Variants in AP1B1 observed in about 807,000 individuals in gnomAD.
The protein encoded by AP1B1 is AP-1 complex subunit beta-1.
AP1B1 carries 36 observed loss-of-function variants against 104.3 expected under a neutral mutation model. The observed-to-expected ratio is 0.35, with a 90% CI of 0.26 to 0.46. AP1B1 has a LOEUF of 0.46. Among genes scored for constraint, AP1B1 ranks in the 20% least tolerant of loss-of-function variants. The probability of loss-of-function intolerance (pLI) is 1.00; values close to 1 mark genes in which losing one functional copy is unlikely to be tolerated. For synonymous variants in AP1B1, 504 were observed against 517.5 expected (o/e 0.97, Z 0.35); for missense variants, 901 against 1,247.9 (o/e 0.72, Z 4.19).
chr22:29,351,752 T>C lies in AP1B1; in HGVS notation c.1012A>G (p.Lys338Glu). The change falls in exon 8 of 23, where the codon AAG (lysine) becomes GAG (glutamate). Residue 338 changes from lysine to glutamate, a missense_variant. Around this residue, in one of 3 missense-constraint regions of AP1B1, gnomAD observed 471 missense variants for 696.7 expected, o/e 0.68. Transcript: ENST00000357586. ...GCCAGGCGGATCATGATGTCCAGCT[T>C]CTCCAGCTTCACGTAGATAGGGTCG... ...YNDPIYVKLE[K>E]LDIMIRLASQ... is the part of the protein sequence containing the mutation. 6.2e-7 allele frequency: 1 copy of C among 1,614,186 alleles called. No homozygotes were observed. Among genetic ancestry groups the C allele is most frequent in the Non-Finnish European group, 8.5e-7 (1 of 1,180,030 alleles).
chr22:29,330,251 A>C, intron 21 of AP1B1, 127 bp downstream of exon 21: 1 of 1,515,788 alleles, frequency 6.6e-7, no homozygotes, highest in Non-Finnish European at 8.9e-7. Flanking sequence ...CTTCTCAGGG[A>C]CCAAACTGAT....
At chr22:29,354,013 C>T (rs1330273903) in intron 7 of AP1B1, among the ~76,000 whole-genome samples, 1 of 152,172 alleles carries the variant, frequency 6.6e-6, no homozygotes, top group Non-Finnish European at 1.5e-5. Flanking sequence ...TTTCTGCTCT[C>T]GCCTACCCCC....
intron 1 of AP1B1, among the ~76,000 whole-genome samples, chr22:29,385,853 G>A (rs1027705197): frequency 1.3e-5 from 2 of 152,172 alleles, no homozygotes; most frequent in African/African-American, 2.4e-5. Context: ...TGCCAGACAC[G>A]GGAAGTTCCT....
intron 1 of AP1B1, among the ~76,000 whole-genome samples, chr22:29,386,409 C>T (rs2062523168): frequency 6.6e-6 from 1 of 152,172 alleles, no homozygotes; most frequent in Non-Finnish European, 1.5e-5. Flanking sequence ...TTCACACAAT[C>T]TCTGAGGGAT....
rs190646468 is a variant in AP1B1 at position 29,359,692 on chromosome 22, C to A, written c.279+132G>T. ...GCCCTCTGCTGGAGGAAGAGGCCTGCAGGCTGGGCGGGCGCGGGCAGTCTG... is the reference window on the plus strand; with the variant it reads ...GCCCTCTGCTGGAGGAAGAGGCCTGAAGGCTGGGCGGGCGCGGGCAGTCTG... On this transcript the variant is annotated intron_variant, in intron 4 of 22. Transcript: ENST00000357586. The A allele has an allele frequency of 3.0e-3, 3,538 of 1,192,616 alleles. 11 individuals carry two copies. The highest frequency in any genetic ancestry group is 3.8e-3 in the Non-Finnish European group (3,280 of 862,184). 73.9% of individuals were successfully genotyped at this position (1,192,616 alleles called of 1,614,324 possible). A position where few individuals can be genotyped will look rare whatever the true frequency, so the allele number is the denominator to read the frequency against.
chr22:29,339,668 ACCCGCC>A, intron 15 of AP1B1, 80 bp downstream of exon 15: 3 of 1,449,456 alleles, frequency 2.1e-6, no homozygotes, highest in Non-Finnish European at 2.8e-6. Flanking sequence ...CTGTGACATC[ACCCGCC>A]CCCGCCCCTT....
At chr22:29,339,205 G>A in intron 15 of AP1B1, 72 bp from the exon 16 acceptor site, 3 of 1,575,650 alleles carry the variant, frequency 1.9e-6, no homozygotes, top group Non-Finnish European at 2.6e-6. Flanking sequence ...AATGAGTAGA[G>A]CCACCTGGCT....
intron 1 of AP1B1, among the ~76,000 whole-genome samples, chr22:29,387,453 G>A (rs557215503): frequency 6.6e-6 from 1 of 152,070 alleles, no homozygotes; most frequent in African/African-American, 2.4e-5. Context: ...GATTACAGGC[G>A]TACGCCACCA....
At chr22:29,358,619 G>A (rs2061996013) in intron 5 of AP1B1, 107 bp downstream of exon 5, 8 of 1,440,884 alleles carry the variant, frequency 5.6e-6, no homozygotes, top group Non-Finnish European at 7.6e-6. Context: ...CCCCAGCCAG[G>A]CTCCGACTTC....
At chr22:29,354,341 G>A (rs1410747660) in intron 7 of AP1B1, among the ~76,000 whole-genome samples, 1 of 152,148 alleles carries the variant, frequency 6.6e-6, no homozygotes, top group Non-Finnish European at 1.5e-5. Flanking sequence ...CAGCACTGCT[G>A]ACATTTCGGG....
chr22:29,380,996 C>A (rs746740759), intron 1 of AP1B1, among the ~76,000 whole-genome samples: 22 of 152,178 alleles, frequency 1.4e-4, no homozygotes, highest in Non-Finnish European at 2.4e-4. Flanking sequence ...CCTTTGAACT[C>A]TTCTCCCCAT....
At chr22:29,331,654 T>C in intron 18 of AP1B1, 121 bp from the exon 19 acceptor site, 4 of 1,581,446 alleles carry the variant, frequency 2.5e-6, no homozygotes, top group Non-Finnish European at 3.5e-6. Context: ...ACCCCTTCGT[T>C]CCCCAACCTG....
chr22:29,370,080 G>C (rs1232922912), intron 1 of AP1B1, among the ~76,000 whole-genome samples: 1 of 151,922 alleles, frequency 6.6e-6, no homozygotes, highest in African/African-American at 2.4e-5. Flanking sequence ...GATAACTGAA[G>C]ACAAAAGGGG....
rs928916281 is a variant in AP1B1, at chr22:29,329,191, C to T, written c.2776-296G>A. 3 of 1,248,032 alleles carry T rather than the reference C, an allele frequency of 2.4e-6. No homozygotes were observed. The African/African-American group carries it at 4.6e-5, about 19-fold the overall frequency. 77.3% of individuals were successfully genotyped at this position (1,248,032 alleles called of 1,614,324 possible). A position where few individuals can be genotyped will look rare whatever the true frequency, so the allele number is the denominator to read the frequency against. The stretch of plus-strand genomic sequence containing the variant: ...GAGGCTGCCAGGGAGTGCCCGGCCC[C>T]CACCCTGAGGGCTGCCCGGCCCCCC... On this transcript the variant is annotated intron_variant, in intron 22 of 22. Coordinates refer to ENST00000357586, the MANE Select transcript of AP1B1 (RefSeq NM_001127.4).
chr22:29,376,242 G>A (rs923207906), intron 1 of AP1B1, among the ~76,000 whole-genome samples: 1 of 152,162 alleles, frequency 6.6e-6, no homozygotes, highest in Non-Finnish European at 1.5e-5. Context: ...CCAATGTCAG[G>A]GGAAGGCCTT....
At chr22:29,344,488 TG>T (rs1483509207) in intron 11 of AP1B1, among the ~76,000 whole-genome samples, 1 of 148,130 alleles carries the variant, frequency 6.8e-6, no homozygotes, top group East Asian at 2.0e-4. Context: ...GGCCAGACGC[TG>T]GGCTGATATA....
At chr22:29,372,963 T>A (rs1490416220) in intron 1 of AP1B1, among the ~76,000 whole-genome samples, 1 of 152,216 alleles carries the variant, frequency 6.6e-6, no homozygotes, top group Admixed American at 6.5e-5. Flanking sequence ...GTCTACTTCA[T>A]CTCCATAGTT....
At chr22:29,344,568 A>C (rs999803258) in intron 11 of AP1B1, among the ~76,000 whole-genome samples, 2 of 123,520 alleles carry the variant, frequency 1.6e-5, no homozygotes, top group Non-Finnish European at 3.1e-5. Flanking sequence ...TCTCCTGCCC[A>C]AGCTGGAGTG....
intron 1 of AP1B1, among the ~76,000 whole-genome samples, chr22:29,373,291 G>T (rs112999495): frequency 9.2e-5 from 14 of 152,184 alleles, no homozygotes; most frequent in African/African-American, 2.9e-4. Flanking sequence ...AAAAAAGAGT[G>T]GGGGGTGGGG....
Sources: gnomAD v4.1 joint callset for allele counts (sites outside exome capture counted in the v4.1 genomes callset) on GRCh38, gnomAD v4.1.1 for gene constraint, gnomAD v4.1.1 regional missense constraint, MANE v1.5 for transcripts, NCBI Gene and HGNC (gene_info 2026-07-23, HGNC 2026-07-21) for gene names.